The following MAPRE1 variants were observed in gnomAD, a reference collection of about 807,000 sequenced individuals.
The protein encoded by MAPRE1 is microtubule-associated protein RP/EB family member 1.
MAPRE1 carries 5 observed loss-of-function variants against 32.1 expected under a neutral mutation model. The observed-to-expected ratio is 0.16, with a 90% CI of 0.08 to 0.33. MAPRE1 has a LOEUF of 0.33. Among genes scored for constraint, MAPRE1 ranks in the 10% least tolerant of loss-of-function variants. The pLI, the probability that MAPRE1 is intolerant of heterozygous loss-of-function variation, is 1.00. For synonymous variants in MAPRE1, 122 were observed against 118.9 expected (o/e 1.03, Z -0.17); for missense variants, 209 against 327.2 (o/e 0.64, Z 2.79).
rs761353179 is a variant in MAPRE1, at chr20:32,836,634, A to G, written c.268A>G (p.Ile90Val). 1.3e-6 allele frequency: 2 copies of G among 1,594,556 alleles called. No homozygotes were observed. The highest frequency in any genetic ancestry group is 1.1e-5 in the South Asian group (1 of 90,284). The change falls in exon 4 of 7, where the codon ATA becomes GTA. Residue 90 changes from isoleucine (I) to valine (V), a missense_variant and splice_region_variant. Transcript: ENST00000375571. The stretch of plus-strand genomic sequence containing the variant: ...GCTAAACAGTTGTTTTTCTCTGCAG[A>G]TAATTCCTGTGGACAAATTAGTAAA... ...AGFKRMGVDKIIPVDKLVKGK... is the reference protein window; with the variant it reads ...AGFKRMGVDKVIPVDKLVKGK...
At chr20:32,820,598 C>T (rs546106932) in intron 1 of MAPRE1, among the ~76,000 whole-genome samples, 1 of 152,320 alleles carries the variant, frequency 6.6e-6, no homozygotes, top group South Asian at 2.1e-4. Context: ...CTCTTGGACT[C>T]CCTCCTTTCT....
Position 32,842,642 on chromosome 20 carries a change from G to A in MAPRE1, c.597+2786G>A, listed in dbSNP as rs145448762. On this transcript the variant is annotated intron_variant, in intron 5 of 6. Coordinates refer to ENST00000375571, the MANE Select transcript of MAPRE1 (RefSeq NM_012325.3). ...TTTCTTTTCCTTGCACCCACCTTTG[G>A]AAACTGTAAGTACTCACCAGATAAT... Among the ~76,000 whole-genome samples the A allele has an allele frequency of 5.6e-3, 855 of 152,288 alleles. 6 individuals are homozygous for A. The highest frequency in any genetic ancestry group is 8.6e-3 in the Non-Finnish European group (585 of 68,022).
At chr20:32,834,319 T>C (rs967993798) in intron 3 of MAPRE1, among the ~76,000 whole-genome samples, 28 of 152,186 alleles carry the variant, frequency 1.8e-4, no homozygotes, top group Non-Finnish European at 3.5e-4. Context: ...ACTTGCTTTT[T>C]ATAGAAGGTT....
chr20:32,837,282 G>A (rs567805655), intron 4 of MAPRE1, among the ~76,000 whole-genome samples: 8 of 146,052 alleles, frequency 5.5e-5, no homozygotes, highest in East Asian at 2.1e-4. Context: ...GTCTCTCAGG[G>A]ACTGCTCTTG....
At chr20:32,841,059 A>G (rs1261528573) in intron 5 of MAPRE1, among the ~76,000 whole-genome samples, 6 of 152,162 alleles carry the variant, frequency 3.9e-5, no homozygotes, top group Non-Finnish European at 8.8e-5. Context: ...CAGATGATCC[A>G]CCTGCCTTGG....
intron 5 of MAPRE1, among the ~76,000 whole-genome samples, chr20:32,845,296 C>T (rs1032002831): frequency 2.0e-5 from 3 of 152,156 alleles, no homozygotes; most frequent in Non-Finnish European, 4.4e-5. Flanking sequence ...TCACCTTGAC[C>T]TCCCAAAGCT....
In MAPRE1 at chr20:32,837,674, A is replaced by G. The variant is rs763546390; in HGVS notation, c.475+833A>G. Among the ~76,000 whole-genome samples the G allele has an allele frequency of 1.2e-3, 183 of 152,210 alleles. 5 individuals are homozygous for G. The highest frequency in any genetic ancestry group is 4.0e-4 in the Non-Finnish European group (27 of 68,036). On this transcript the variant is annotated intron_variant, in intron 4 of 6. Transcript: ENST00000375571. ...ATAGCTTAATGGAGAGACAATTCGC[A>G]TGCCATATAATTATATTTTTATATT... is the stretch of plus-strand genomic sequence containing the variant.
At position 32,833,748 on chromosome 20, in the gene MAPRE1, G is replaced by T. The variant is rs1166598687; in HGVS notation, c.153G>T (p.Leu51=). ...CGTATTGTCAGTTTATGGACATGCTGTTCCCTGGCTCCATTGCCTTGAAGA... is the reference window on the plus strand; with the variant it reads ...CGTATTGTCAGTTTATGGACATGCTTTTCCCTGGCTCCATTGCCTTGAAGA... ...GAAYCQFMDM[L]FPGSIALKKV... is the part of the protein sequence containing the mutation. The change falls in exon 3 of 7, where the codon CTG becomes CTT. Residue 51 remains leucine (L), a synonymous_variant. Coordinates refer to ENST00000375571, the MANE Select transcript of MAPRE1 (RefSeq NM_012325.3). The T allele has an allele frequency of 1.2e-6, 2 of 1,613,820 alleles. No homozygotes were observed. Among genetic ancestry groups the T allele is most frequent in the East Asian group, 2.2e-5 (1 of 44,882 alleles).
intron 1 of MAPRE1, among the ~76,000 whole-genome samples, chr20:32,825,537 G>A (rs1982821522): frequency 6.6e-6 from 1 of 152,158 alleles, no homozygotes; most frequent in Non-Finnish European, 1.5e-5. Flanking sequence ...GCTCACACCT[G>A]TAATCCCAGA....
chr20:32,844,283 T>C (rs182837528), intron 5 of MAPRE1, among the ~76,000 whole-genome samples: 366 of 152,254 alleles, frequency 2.4e-3, no homozygotes, highest in Middle Eastern at 0.02. Context: ...AGCAATATCA[T>C]GGACAGATGC....
In MAPRE1 at chr20:32,834,960, G is replaced by A. The variant is rs113981314; in HGVS notation, c.267+1098G>A. On this transcript the variant is annotated intron_variant, in intron 3 of 6. Transcript: ENST00000375571. ...AGAGGTAATATTTGTGAATGTTTCA[G>A]TATCAAGCAAAGTAACTTTTAAAAA... Among the ~76,000 whole-genome samples the A allele has an allele frequency of 6.5e-3, 984 of 152,276 alleles. 6 individuals carry two copies. Among genetic ancestry groups the A allele is most frequent in the African/African-American group, 0.022 (932 of 41,554 alleles).
Position 32,846,624 on chromosome 20 carries a change from G to C in MAPRE1, c.604G>C (p.Val202Leu), listed in dbSNP as rs771324465. The stretch of plus-strand genomic sequence containing the variant: ...TTTTTAATGTCTTGTGCAGGTCAAC[G>C]TATTGAAACTTACTGTTGAAGACTT... ...EAAELMQQVN[V>L]LKLTVEDLEK... is the part of the protein sequence containing the mutation. The change falls in exon 6 of 7, where the codon GTA (valine) becomes CTA (leucine). Residue 202 changes from valine to leucine, a missense_variant. By Grantham distance (32) the Val-to-Leu change is conservative (BLOSUM62 1). Coordinates refer to ENST00000375571, the MANE Select transcript of MAPRE1 (RefSeq NM_012325.3). The C allele has an allele frequency of 4.4e-6, 7 of 1,605,446 alleles. 1 individual carries two copies. The highest frequency in any genetic ancestry group is 2.2e-5 in the South Asian group (2 of 90,970).
At chr20:32,841,622 C>G (rs1470261077) in intron 5 of MAPRE1, among the ~76,000 whole-genome samples, 2 of 138,000 alleles carry the variant, frequency 1.4e-5, no homozygotes, top group Non-Finnish European at 3.1e-5. Flanking sequence ...CCCCCTCCCC[C>G]CACCGCACAA....
intron 4 of MAPRE1, among the ~76,000 whole-genome samples, chr20:32,838,890 A>T (rs1051638893): frequency 6.6e-6 from 1 of 152,246 alleles, no homozygotes; most frequent in African/African-American, 2.4e-5. Flanking sequence ...TAATATGCAA[A>T]CTTTACAAAA....
chr20:32,820,457 G>A (rs1185976162), intron 1 of MAPRE1, among the ~76,000 whole-genome samples: 2 of 152,142 alleles, frequency 1.3e-5, no homozygotes, highest in African/African-American at 4.8e-5. Context: ...ACCTGGGTTG[G>A]GTTCCGTGCG....
chr20:32,835,590 T>TTTTTC (rs959633943), intron 3 of MAPRE1, among the ~76,000 whole-genome samples: 17 of 151,966 alleles, frequency 1.1e-4, no homozygotes, highest in East Asian at 3.9e-4. Flanking sequence ...GAATTATTCT[T>TTTTTC]TTTTCTTTTC....
At chr20:32,832,750 C>T (rs1026016791) in intron 2 of MAPRE1, among the ~76,000 whole-genome samples, 7 of 150,006 alleles carry the variant, frequency 4.7e-5, no homozygotes, top group African/African-American at 9.8e-5. Flanking sequence ...GCGTGAGCTA[C>T]GGTGCCTGGC....
At chr20:32,832,885 G>A (rs1185410170) in intron 2 of MAPRE1, among the ~76,000 whole-genome samples, 2 of 146,522 alleles carry the variant, frequency 1.4e-5, no homozygotes, top group East Asian at 2.0e-4. Context: ...TAGAGGTTGC[G>A]GTGAGCCGAG....
Position 32,830,869 on chromosome 20 carries a change from G to A in MAPRE1, c.122-2848G>A, listed in dbSNP as rs564876677. On this transcript the variant is annotated intron_variant, in intron 2 of 6. Coordinates refer to ENST00000375571, the MANE Select transcript of MAPRE1 (RefSeq NM_012325.3). ...CTCCCAAGTAGCTGGGACTACAGGC[G>A]CCCGCCACCACACCCGGCTAATTTT... is the stretch of plus-strand genomic sequence containing the variant. Among the ~76,000 whole-genome samples, 227 of 151,860 alleles carry A rather than the reference G, an allele frequency of 1.5e-3. 2 individuals carry two copies. Among genetic ancestry groups the A allele is most frequent in the Non-Finnish European group, 2.5e-3 (169 of 67,932 alleles).
Sources: allele counts gnomAD v4.1 joint callset (sites outside exome capture counted in the v4.1 genomes callset), GRCh38; gene constraint gnomAD v4.1.1; transcripts MANE v1.5; gene names NCBI Gene and HGNC (gene_info 2026-07-23, HGNC 2026-07-21).